The following SAMD5 variants were observed in gnomAD, a reference collection of about 807,000 sequenced individuals.
SAMD5 encodes sterile alpha motif domain-containing protein 5.
In SAMD5, 13 loss-of-function variants were observed where a neutral mutation model predicts 11.3. That is an observed-to-expected ratio of 1.15 (90% CI 0.75 to 1.83). The LOEUF (loss-of-function observed/expected upper bound fraction) is 1.83. SAMD5 is among the 40% of genes most tolerant of loss of function. SAMD5 has a pLI of 0.00. For synonymous variants in SAMD5, 129 were observed against 111.3 expected (o/e 1.16, Z -1.00); for missense variants, 255 against 239.1 (o/e 1.07, Z -0.44).
the SAMD5 span, among the ~76,000 whole-genome samples, chr6:147,859,812 A>G: frequency 2.6e-5 from 4 of 152,066 alleles, no homozygotes; most frequent in Non-Finnish European, 4.4e-5. Context: ...CTAAAAATTT[A>G]TCTCTGGCAT....
chr6:147,648,396 C>T (rs73008158), intron 1 of SAMD5, among the ~76,000 whole-genome samples: 1 of 152,316 alleles, frequency 6.6e-6, no homozygotes, highest in Non-Finnish European at 1.5e-5. Flanking sequence ...ATTCAATTAC[C>T]TCCACCTGGT....
rs151178093 is a variant in SAMD5, at chr6:147,623,625, C to T, written c.163-113692C>T. Among the ~76,000 whole-genome samples the T allele has an allele frequency of 4.1e-3, 628 of 152,284 alleles. 1 individual carries two copies. The highest frequency in any genetic ancestry group is 0.014 in the African/African-American group (599 of 41,570). On this transcript the variant is annotated intron_variant, in intron 1 of 1. Coordinates refer to the SAMD5 transcript ENST00000566741. ...AATATAACCCAGCAGATACTTGCAACAGTTCTTTCTAAAAACAAAGTATAT... is the reference window on the plus strand; with the variant it reads ...AATATAACCCAGCAGATACTTGCAATAGTTCTTTCTAAAAACAAAGTATAT...
chr6:147,672,931 G>A (rs1242194545), intron 1 of SAMD5, among the ~76,000 whole-genome samples: 1 of 152,026 alleles, frequency 6.6e-6, no homozygotes, highest in Non-Finnish European at 1.5e-5. Context: ...TTTACTGTTA[G>A]ACCAAACAGT....
chr6:147,725,257 T>C (rs749973227), intron 1 of SAMD5, among the ~76,000 whole-genome samples: 1 of 152,212 alleles, frequency 6.6e-6, no homozygotes, highest in Non-Finnish European at 1.5e-5. Context: ...CAATGCAGAC[T>C]AGCTGATTGA....
chr6:147,726,334 CT>C lies in SAMD5; in HGVS notation c.163-10980del, dbSNP rs760684917. The stretch of plus-strand genomic sequence containing the variant: ...TAACCACAGTAATAATAAATGCTTT[CT>C]TTGCACCAGACATTGTACATGCAAT... On this transcript the variant is annotated intron_variant, in intron 1 of 1. Coordinates refer to the SAMD5 transcript ENST00000566741. Among the ~76,000 whole-genome samples, 3 of 152,348 alleles carry C rather than the reference CT, an allele frequency of 2.0e-5. No individual in the cohort carries two copies. The East Asian group carries it at 5.8e-4, about 29-fold the overall frequency.
At chr6:147,938,790 G>T in the SAMD5 span, among the ~76,000 whole-genome samples, 3 of 152,176 alleles carry the variant, frequency 2.0e-5, no homozygotes, top group African/African-American at 4.8e-5. Flanking sequence ...AGGAGTGGTC[G>T]ACTTGGTATG....
intron 1 of SAMD5, among the ~76,000 whole-genome samples, chr6:147,720,388 A>G (rs1030743578): frequency 2.2e-4 from 33 of 151,994 alleles, no homozygotes; most frequent in Admixed American, 3.9e-4. Context: ...GCGGGAACCC[A>G]GGAGGCGGAG....
the SAMD5 span, among the ~76,000 whole-genome samples, chr6:147,896,555 G>A: frequency 6.6e-6 from 1 of 152,060 alleles, no homozygotes; most frequent in South Asian, 2.1e-4. Flanking sequence ...GGGAGGAAAG[G>A]TGGATGTGGA....
chr6:147,680,685 C>T (rs996654128), intron 1 of SAMD5, among the ~76,000 whole-genome samples: 1 of 151,990 alleles, frequency 6.6e-6, no homozygotes, highest in Admixed American at 6.6e-5. Context: ...AGGTTTTCTT[C>T]TATTCCTAGT....
the SAMD5 span, among the ~76,000 whole-genome samples, chr6:147,910,520 C>G: frequency 1.3e-5 from 2 of 152,122 alleles, no homozygotes; most frequent in East Asian, 3.9e-4. Context: ...CAAAAGGACT[C>G]AGGGCTCATG....
chr6:147,885,614 A>G, the SAMD5 span, among the ~76,000 whole-genome samples: 1 of 152,196 alleles, frequency 6.6e-6, no homozygotes, highest in Non-Finnish European at 1.5e-5. Context: ...AGCAAGCAGG[A>G]TTAGAGCCAC....
the SAMD5 span, among the ~76,000 whole-genome samples, chr6:147,774,148 C>G: frequency 1.3e-5 from 2 of 152,130 alleles, no homozygotes; most frequent in East Asian, 3.9e-4. Flanking sequence ...GGCCTCATGT[C>G]TCTATTATAA....
intron 1 of SAMD5, among the ~76,000 whole-genome samples, chr6:147,718,949 C>T (rs1791505872): frequency 6.6e-6 from 1 of 152,202 alleles, no homozygotes; most frequent in South Asian, 2.1e-4. Context: ...CCTCAGCCTC[C>T]CAAAGTGCTG....
intron 1 of SAMD5, among the ~76,000 whole-genome samples, chr6:147,638,977 G>A (rs902887125): frequency 5.3e-5 from 8 of 152,118 alleles, no homozygotes; most frequent in African/African-American, 1.9e-4. Context: ...TTCCCAATGA[G>A]ATCGAAAAGT....
At chr6:147,897,682 C>G in the SAMD5 span, among the ~76,000 whole-genome samples, 1 of 152,116 alleles carries the variant, frequency 6.6e-6, no homozygotes, top group Non-Finnish European at 1.5e-5. Context: ...CAGGGGCTCA[C>G]ACCTGTAATC....
At chr6:147,626,368 C>T (rs574969337) in intron 1 of SAMD5, among the ~76,000 whole-genome samples, 1 of 151,678 alleles carries the variant, frequency 6.6e-6, no homozygotes, top group African/African-American at 2.4e-5. Context: ...TCAAAAATCC[C>T]AATTGCTTTC....
the SAMD5 span, among the ~76,000 whole-genome samples, chr6:147,837,074 A>C: frequency 2.0e-5 from 3 of 152,248 alleles, no homozygotes; most frequent in Non-Finnish European, 4.4e-5. Flanking sequence ...TGCTCTTCCT[A>C]GAGATAGACT....
At chr6:147,649,725 A>T (rs1330497413) in intron 1 of SAMD5, among the ~76,000 whole-genome samples, 2 of 150,244 alleles carry the variant, frequency 1.3e-5, no homozygotes, top group Non-Finnish European at 2.9e-5. Context: ...CAGGAGGCAG[A>T]GTTTGTAGTG....
At chr6:147,767,101 T>C in the SAMD5 span, among the ~76,000 whole-genome samples, 1 of 152,240 alleles carries the variant, frequency 6.6e-6, no homozygotes, top group Non-Finnish European at 1.5e-5. Context: ...AAAGTTGTTA[T>C]GTAACTATAC....
Sources: gnomAD v4.1 joint callset for allele counts (sites outside exome capture counted in the v4.1 genomes callset) on GRCh38, gnomAD v4.1.1 for gene constraint, MANE v1.5 for transcripts, NCBI Gene and HGNC (gene_info 2026-07-23, HGNC 2026-07-21) for gene names.